Variants in CAPN3 observed in about 807,000 individuals in gnomAD.
CAPN3 encodes the protein calpain 3.
In CAPN3, 88 loss-of-function variants were observed where a neutral mutation model predicts 114.0. The observed-to-expected ratio is 0.77, with a 90% confidence interval of 0.65 to 0.92. CAPN3 has a LOEUF of 0.92. CAPN3 is among the 40% of genes least tolerant of loss of function. The pLI is 0.00. For missense variants in CAPN3, 1,028 were observed against 1,069.0 expected (o/e 0.96, Z 0.53); for synonymous variants, 386 against 382.9 (o/e 1.01, Z -0.09).
chr15:42,406,490 G>A (rs1393848934), intron 15 of CAPN3, among the ~76,000 whole-genome samples: 1 of 152,076 alleles, frequency 6.6e-6, no homozygotes, highest in Non-Finnish European at 1.5e-5. Flanking sequence ...CACTGTGCTT[G>A]GGGTCAGTCC....
chr15:42,383,881 C>G (rs1241825349), intron 1 of CAPN3, among the ~76,000 whole-genome samples: 1 of 151,652 alleles, frequency 6.6e-6, no homozygotes, highest in African/African-American at 2.4e-5. Context: ...CCGACACTGC[C>G]CTAACTCTCA....
chr15:42,387,681 GA>G, intron 3 of CAPN3, 71 bp from the exon 4 acceptor site: 3 of 1,572,694 alleles, frequency 1.9e-6, no homozygotes, highest in Middle Eastern at 1.7e-4. Flanking sequence ...ACCCCCTGAG[GA>G]ATGTGGAGGA....
chr15:42,383,659 T>TTTA (rs1017690924), intron 1 of CAPN3, among the ~76,000 whole-genome samples: 14 of 151,550 alleles, frequency 9.2e-5, no homozygotes, highest in South Asian at 2.1e-4. Context: ...TTTTTATTAA[T>TTTA]TTATTATTAT....
chr15:42,388,455 A>T (rs2053461570), intron 4 of CAPN3, among the ~76,000 whole-genome samples: 4 of 152,122 alleles, frequency 2.6e-5, no homozygotes. Flanking sequence ...ACATGCGGGC[A>T]TCACCATGCC....
chr15:42,392,860 C>T lies in CAPN3; in HGVS notation c.1029+138C>T, dbSNP rs930748104. ...GACATTCAGTTCAAGGTCCAAGCCACGCCTGGGAGCAGAGGGGCCTGTGAA... is the reference window on the plus strand; with the variant it reads ...GACATTCAGTTCAAGGTCCAAGCCATGCCTGGGAGCAGAGGGGCCTGTGAA... On this transcript the variant is annotated intron_variant, in intron 7 of 23. Transcript: ENST00000397163. The T allele has an allele frequency of 3.8e-5, 25 of 657,356 alleles. No homozygotes were observed. The Middle Eastern group carries it at 1.2e-3, about 32-fold the overall frequency. The allele number at this position is 657,356 out of a possible 1,614,324, so 40.7% of individuals were successfully genotyped here.
rs758795961 is a variant in CAPN3 at position 42,387,820 on chromosome 15, T to C, written c.566T>C (p.Leu189Pro). The C allele has an allele frequency of 3.9e-5, 63 of 1,614,090 alleles. No homozygotes were observed. Among genetic ancestry groups the C allele is most frequent in the Non-Finnish European group, 5.0e-5 (59 of 1,180,040 alleles). Residue 189 changes from leucine to proline, a missense_variant, in exon 4 of 24, where the codon CTG becomes CCG. Leu to Pro is a moderately conservative substitution (Grantham distance 98, BLOSUM62 -3). Coordinates refer to ENST00000397163, the MANE Select transcript of CAPN3 (RefSeq NM_000070.3). ...TGCCTGCCAACGTACAACAATCAAC[T>C]GGTTTTCACCAAGTCCAACCACCGC... ...DDCLPTYNNQ[L>P]VFTKSNHRNE...
At chr15:42,385,597 C>T (rs2053379213) in intron 2 of CAPN3, 4 of 501,218 alleles carry the variant, frequency 8.0e-6, no homozygotes, top group Admixed American at 7.9e-5. Context: ...ACATACAGTA[C>T]TCTGTCAGAA....
intron 8 of CAPN3, among the ~76,000 whole-genome samples, chr15:42,396,228 A>G (rs1321728481): frequency 6.7e-6 from 1 of 148,966 alleles, no homozygotes; most frequent in East Asian, 2.0e-4. Flanking sequence ...CAGTTTGTCT[A>G]TGTCCAGAAC....
chr15:42,387,723 T>C (rs1318005472), intron 3 of CAPN3, 30 bp from the exon 4 acceptor site: 2 of 1,613,976 alleles, frequency 1.2e-6, no homozygotes, highest in East Asian at 2.2e-5. Context: ...AATTTGAGTA[T>C]GTGACTCTGT....
chr15:42,373,365 A>C (rs1042322075), intron 1 of CAPN3, among the ~76,000 whole-genome samples: 8 of 152,170 alleles, frequency 5.3e-5, no homozygotes, highest in Admixed American at 3.3e-4. Flanking sequence ...ATTCTGATGC[A>C]TGAAGTTCAA....
intron 1 of CAPN3, among the ~76,000 whole-genome samples, chr15:42,365,090 C>T (rs1370187372): frequency 6.6e-6 from 1 of 152,186 alleles, no homozygotes; most frequent in Non-Finnish European, 1.5e-5. Context: ...CTGGGCTCCT[C>T]CTGTCTCTGG....
intron 1 of CAPN3, among the ~76,000 whole-genome samples, chr15:42,380,868 G>C (rs1310594508): frequency 6.7e-6 from 1 of 149,258 alleles, no homozygotes; most frequent in East Asian, 2.0e-4. Flanking sequence ...TGGGATTACA[G>C]GTGTGAACCA....
chr15:42,396,378 G>A (rs962550163), intron 8 of CAPN3, among the ~76,000 whole-genome samples: 11 of 151,938 alleles, frequency 7.2e-5, no homozygotes. Flanking sequence ...GAGTAGCTGA[G>A]ACTATAGGTG....
At chr15:42,360,945 G>A (rs903549713) in intron 1 of CAPN3, among the ~76,000 whole-genome samples, 3 of 152,166 alleles carry the variant, frequency 2.0e-5, no homozygotes, top group African/African-American at 4.8e-5. Context: ...GCAAGCAACT[G>A]GGGGGACAGC....
intron 1 of CAPN3, among the ~76,000 whole-genome samples, chr15:42,362,036 A>T (rs2052657853): frequency 6.6e-6 from 1 of 152,192 alleles, no homozygotes; most frequent in Admixed American, 6.5e-5. Context: ...TACTCAGCTG[A>T]TGCTGGTGAG....
rs920482181 is a variant in CAPN3 at position 42,398,668 on chromosome 15, T to C, written c.1194-824T>C. 3.5e-5 allele frequency among the ~76,000 whole-genome samples: 5 copies of C among 142,650 alleles called. No homozygotes were observed. In the East Asian group the frequency reaches 8.2e-4, roughly 23 times the overall value. The allele number at this position is 142,650 out of a possible 152,430, so 93.6% of individuals were successfully genotyped here. A position where few individuals can be genotyped will look rare whatever the true frequency, so the allele number is the denominator to read the frequency against. ...ACACACATATATATACACACACATATACACACACACACGTCTGTATATATA... is the reference window on the plus strand; with the variant it reads ...ACACACATATATATACACACACATACACACACACACACGTCTGTATATATA... On this transcript the variant is annotated intron_variant, in intron 9 of 23. Coordinates refer to ENST00000397163, the MANE Select transcript of CAPN3 (RefSeq NM_000070.3).
Position 42,399,563 on chromosome 15 carries a change from A to T in CAPN3, c.1265A>T (p.Gln422Leu). The T allele has an allele frequency of 6.2e-7, 1 of 1,613,626 alleles. No individual in the cohort carries two copies. Among genetic ancestry groups the T allele is most frequent in the South Asian group, 1.1e-5 (1 of 91,062 alleles). Residue 422 changes from glutamine (Q) to leucine (L), a missense_variant, in exon 10 of 24, where the codon CAG becomes CTG. Physicochemically the swap from Gln to Leu is moderately radical, Grantham distance 113. Coordinates refer to ENST00000397163, the MANE Select transcript of CAPN3 (RefSeq NM_000070.3). ...TGCAACCTCACGGCCGATGCTCTGC[A>T]GTCTGACAAGCTTCAGACCTGGACA... ...EICNLTADAL[Q>L]SDKLQTWTVS...
chr15:42,389,014 A>G lies in CAPN3; in HGVS notation c.719A>G (p.Glu240Gly). ...DFTGGVAEFF[E>G]IRDAPSDMYK... ...ACAGGAGGGGTGGCAGAGTTTTTTG[A>G]GATCAGGGATGCTCCTAGTGACATG... The change falls in exon 5 of 24, where the codon GAG becomes GGG. Residue 240 changes from glutamate to glycine, a missense_variant. Physicochemically the swap from Glu to Gly is moderately conservative, Grantham distance 98. Coordinates refer to ENST00000397163, the MANE Select transcript of CAPN3 (RefSeq NM_000070.3). The G allele has an allele frequency of 1.2e-6, 2 of 1,614,070 alleles. No homozygotes were observed. Among genetic ancestry groups the G allele is most frequent in the East Asian group, 4.5e-5 (2 of 44,866 alleles).
At chr15:42,390,608 CAG>C (rs2053527333) in intron 6 of CAPN3, among the ~76,000 whole-genome samples, 1 of 151,888 alleles carries the variant, frequency 6.6e-6, no homozygotes, top group Non-Finnish European at 1.5e-5. Flanking sequence ...CAGAAAAACA[CAG>C]AGGAAAATTT....
Sources: gnomAD v4.1 joint callset for allele counts (sites outside exome capture counted in the v4.1 genomes callset) on GRCh38, gnomAD v4.1.1 for gene constraint, MANE v1.5 for transcripts, NCBI Gene and HGNC (gene_info 2026-07-23, HGNC 2026-07-21) for gene names.